Variants in ZMAT4 observed in about 807,000 individuals in gnomAD.
ZMAT4 encodes zinc finger matrin-type 4.
In ZMAT4, 17 loss-of-function variants were observed where a neutral mutation model predicts 28.7. The observed-to-expected ratio is 0.59, with a 90% CI of 0.41 to 0.89. The LOEUF is 0.89. Ranked by LOEUF, ZMAT4 falls within the 40% of genes least tolerant of loss-of-function variation. The probability of loss-of-function intolerance (pLI) is 0.00; values close to 1 mark genes in which losing one functional copy is unlikely to be tolerated. For synonymous variants in ZMAT4, 117 were observed against 109.2 expected, an observed-to-expected ratio of 1.07 and a Z score of -0.44; for missense variants, 240 against 283.8, an observed-to-expected ratio of 0.85 and a Z score of 1.11.
intron 2 of ZMAT4, among the ~76,000 whole-genome samples, chr8:40,785,252 ACCTCTC>A (rs1814019619): frequency 1.3e-5 from 2 of 152,128 alleles, no homozygotes; most frequent in South Asian, 2.1e-4. Flanking sequence ...TCCTATACTG[ACCTCTC>A]ACAGCTCTCA....
At chr8:40,715,419 G>A (rs1195838526) in intron 3 of ZMAT4, among the ~76,000 whole-genome samples, 1 of 152,148 alleles carries the variant, frequency 6.6e-6, no homozygotes, top group Non-Finnish European at 1.5e-5. Context: ...ATTTGCACAT[G>A]TGTGAAAGAG....
At chr8:40,652,450 A>T (rs9694890) in intron 5 of ZMAT4, among the ~76,000 whole-genome samples, 36,271 of 38,358 alleles carry the variant, frequency 0.95, 17,457 homozygotes, top group Middle Eastern at 1. Context: ...CTGGAGAGGA[A>T]GTGGAGAAAT....
chr8:40,539,079 C>T (rs545108375), intron 6 of ZMAT4, among the ~76,000 whole-genome samples: 6 of 152,278 alleles, frequency 3.9e-5, no homozygotes, highest in South Asian at 2.1e-4. Context: ...CCACCACAAC[C>T]GGCCTTTTAT....
chr8:40,779,579 C>A (rs1475295194), intron 2 of ZMAT4, among the ~76,000 whole-genome samples: 1 of 152,156 alleles, frequency 6.6e-6, no homozygotes, highest in Non-Finnish European at 1.5e-5. Context: ...ATCCTTGGAT[C>A]ACCTATTCAG....
chr8:40,544,009 G>C (rs997336986), intron 6 of ZMAT4, among the ~76,000 whole-genome samples: 2 of 152,176 alleles, frequency 1.3e-5, no homozygotes, highest in Non-Finnish European at 2.9e-5. Flanking sequence ...TGCAAAAAAT[G>C]TTGAAGCCAG....
At chr8:40,624,907 A>G (rs1317851262) in intron 5 of ZMAT4, among the ~76,000 whole-genome samples, 1 of 152,214 alleles carries the variant, frequency 6.6e-6, no homozygotes, top group East Asian at 1.9e-4. Flanking sequence ...TTAGCATGTG[A>G]TGGGTGGTGC....
chr8:40,571,173 G>A (rs1804085829), intron 6 of ZMAT4, among the ~76,000 whole-genome samples: 1 of 152,112 alleles, frequency 6.6e-6, no homozygotes, highest in Non-Finnish European at 1.5e-5. Flanking sequence ...TAATTCTAGA[G>A]GTGATATGAA....
At chr8:40,828,015 A>G (rs1405529104) in intron 1 of ZMAT4, among the ~76,000 whole-genome samples, 5 of 152,312 alleles carry the variant, frequency 3.3e-5, no homozygotes, top group African/African-American at 1.2e-4. Context: ...CAGCCTCATC[A>G]TCTTGCCCTG....
chr8:40,713,735 C>A (rs2150510231), intron 3 of ZMAT4, among the ~76,000 whole-genome samples: 1 of 151,354 alleles, frequency 6.6e-6, no homozygotes, highest in African/African-American at 2.4e-5. Context: ...ATGGTGAAAC[C>A]CGGCGTCTAC....
intron 5 of ZMAT4, among the ~76,000 whole-genome samples, chr8:40,641,200 A>G (rs1454298249): frequency 6.6e-6 from 1 of 152,230 alleles, no homozygotes; most frequent in East Asian, 1.9e-4. Context: ...AAAATAATCT[A>G]TCTGTGGATA....
rs781484684 is a variant in ZMAT4 at position 40,601,509 on chromosome 8, G to GAAAGAAAGAAAGAAAGAA, written c.578-20249_578-20248insTTCTTTCTTTCTTTCTTT. 3.8e-5 allele frequency among the ~76,000 whole-genome samples: 4 copies of GAAAGAAAGAAAGAAAGAA among 105,412 alleles called. 1 individual carries two copies. Among genetic ancestry groups the GAAAGAAAGAAAGAAAGAA allele is most frequent in the African/African-American group, 7.5e-5 (2 of 26,822 alleles). 69.2% of individuals were successfully genotyped at this position (105,412 alleles called of 152,430 possible). A position where few individuals can be genotyped will look rare whatever the true frequency, so the allele number is the denominator to read the frequency against. ...AGAAAGAAAGAGAGAAAGAAAGAAAGAGAAAGAGAAAGAAAGAGGGAGAAA... is the reference window on the plus strand; with the variant it reads ...AGAAAGAAAGAGAGAAAGAAAGAAAGAAAGAAAGAAAGAAAGAAAGAAAGAGAAAGAAAGAGGGAGAAA... On this transcript the variant is annotated intron_variant, in intron 5 of 6. Coordinates refer to ENST00000297737, the MANE Select transcript of ZMAT4 (RefSeq NM_024645.3).
chr8:40,609,412 G>A (rs1450135332), intron 5 of ZMAT4, among the ~76,000 whole-genome samples: 1 of 152,162 alleles, frequency 6.6e-6, no homozygotes, highest in Non-Finnish European at 1.5e-5. Context: ...TCAAAAGCAG[G>A]CTCCCTCTAC....
rs374235759 is a variant in ZMAT4, at chr8:40,624,589, T to C, written c.578-43328A>G. On this transcript the variant is annotated intron_variant, in intron 5 of 6. Transcript: ENST00000297737. Reference sequence around the variant, plus strand: ...TGACACATCTTTAATCTTTAAGAAATATTTGTTAAATAAAGGAATATTTTG... The same window carrying C: ...TGACACATCTTTAATCTTTAAGAAACATTTGTTAAATAAAGGAATATTTTG... Among the ~76,000 whole-genome samples the C allele has an allele frequency of 5.1e-4, 77 of 152,356 alleles. 1 individual carries two copies. The highest frequency in any genetic ancestry group is 1.7e-3 in the African/African-American group (72 of 41,590).
At chr8:40,649,497 T>C (rs1807527321) in intron 5 of ZMAT4, among the ~76,000 whole-genome samples, 1 of 152,092 alleles carries the variant, frequency 6.6e-6, no homozygotes, top group African/African-American at 2.4e-5. Context: ...CACCCCACTG[T>C]CAACATTAGA....
At chr8:40,756,433 TATATATATATATATATATATATATAC>T in intron 3 of ZMAT4, among the ~76,000 whole-genome samples, 1 of 114,030 alleles carries the variant, frequency 8.8e-6, no homozygotes, top group Non-Finnish European at 1.8e-5. Flanking sequence ...CTTTTATATA[TATATATATATATATATATATATATAC>T]ACACTTGTAT....
chr8:40,540,584 G>A (rs944862289), intron 6 of ZMAT4, among the ~76,000 whole-genome samples: 4 of 152,026 alleles, frequency 2.6e-5, no homozygotes, highest in African/African-American at 7.3e-5. Flanking sequence ...GCTCTCTCCC[G>A]AGTTCTGACA....
intron 1 of ZMAT4, among the ~76,000 whole-genome samples, chr8:40,844,622 T>A (rs1816817310): frequency 6.8e-6 from 1 of 146,180 alleles, no homozygotes; most frequent in Non-Finnish European, 1.5e-5. Context: ...CTCTCTCCTC[T>A]CTCTCTCCTC....
chr8:40,608,824 T>C (rs1445963011), intron 5 of ZMAT4, among the ~76,000 whole-genome samples: 2 of 152,168 alleles, frequency 1.3e-5, no homozygotes, highest in Non-Finnish European at 2.9e-5. Flanking sequence ...CCAGGTAAGA[T>C]TAAATCCTCC....
intron 3 of ZMAT4, among the ~76,000 whole-genome samples, chr8:40,765,955 G>A (rs1245389269): frequency 6.6e-6 from 1 of 152,206 alleles, no homozygotes; most frequent in Non-Finnish European, 1.5e-5. Flanking sequence ...TGGGAAGCAC[G>A]ATTCCAGTAG....
Sources: gnomAD v4.1 joint callset for allele counts (sites outside exome capture counted in the v4.1 genomes callset) on GRCh38, gnomAD v4.1.1 for gene constraint, MANE v1.5 for transcripts, NCBI Gene and HGNC (gene_info 2026-07-23, HGNC 2026-07-21) for gene names.